Variants in SLC44A5 observed in about 807,000 individuals in gnomAD.
The protein encoded by SLC44A5 is solute carrier family 44 member 5.
A neutral mutation model predicts 101.8 loss-of-function variants in SLC44A5; 57 were observed. That is an observed-to-expected ratio of 0.56 (90% CI 0.45 to 0.70). SLC44A5 has a LOEUF of 0.70. SLC44A5 is among the 30% of genes least tolerant of loss of function. The pLI is 0.00. For synonymous variants in SLC44A5, 281 were observed against 290.9 expected, an observed-to-expected ratio of 0.97 and a Z score of 0.35; for missense variants, 737 against 853.1, an observed-to-expected ratio of 0.86 and a Z score of 1.70.
Position 75,556,096 on chromosome 1 carries a change from T to C in SLC44A5, c.-69-14580A>G, listed in dbSNP as rs559076720. 5.9e-5 allele frequency among the ~76,000 whole-genome samples: 9 copies of C among 152,098 alleles called. No homozygotes were observed. The East Asian group carries it at 1.5e-3, about 26-fold the overall frequency. On this transcript the variant is annotated intron_variant, in intron 1 of 23. Coordinates refer to ENST00000370859, the MANE Select transcript of SLC44A5 (RefSeq NM_001130058.2). Reference sequence around the variant, plus strand: ...ATGGAGAGTGATGGAAAGGAAGGATTACAAAGGAGAATGAAGAAGTCATCA... The same window carrying C: ...ATGGAGAGTGATGGAAAGGAAGGATCACAAAGGAGAATGAAGAAGTCATCA...
intron 5 of SLC44A5, among the ~76,000 whole-genome samples, chr1:75,282,891 T>C (rs1434124110): frequency 1.3e-5 from 2 of 152,220 alleles, no homozygotes; most frequent in East Asian, 3.8e-4. Context: ...CAGTCTTGGG[T>C]ATGTTTTTAT....
At chr1:75,567,770 G>A (rs1212204847) in intron 1 of SLC44A5, among the ~76,000 whole-genome samples, 2 of 152,128 alleles carry the variant, frequency 1.3e-5, no homozygotes, top group Non-Finnish European at 2.9e-5. Context: ...AGGCTAGGAA[G>A]GGGAACAAAG....
chr1:75,454,431 C>T (rs1308009668), intron 2 of SLC44A5, among the ~76,000 whole-genome samples: 3 of 152,082 alleles, frequency 2.0e-5, no homozygotes, highest in Admixed American at 6.6e-5. Context: ...TGAAAACCCA[C>T]AGCCAACATC....
chr1:75,405,759 G>A lies in SLC44A5; in HGVS notation c.14-9138C>T, dbSNP rs1570165325. Among the ~76,000 whole-genome samples, 3 of 151,856 alleles carry A rather than the reference G, an allele frequency of 2.0e-5. No homozygotes were observed. The South Asian group carries it at 6.2e-4, about 32-fold the overall frequency. On this transcript the variant is annotated intron_variant, in intron 2 of 23. Transcript: ENST00000370859. ...AGTGCCCACAGGAGAAAGAAGGAAAGATCTAAAATCAGCACCCTAACATCA... is the reference window on the plus strand; with the variant it reads ...AGTGCCCACAGGAGAAAGAAGGAAAAATCTAAAATCAGCACCCTAACATCA...
chr1:75,412,002 A>C (rs780804429), intron 2 of SLC44A5, among the ~76,000 whole-genome samples: 37 of 152,290 alleles, frequency 2.4e-4, no homozygotes, highest in Non-Finnish European at 4.9e-4. Flanking sequence ...ACTCCAAATG[A>C]GTTGAGAATG....
At chr1:75,409,631 ATTGT>A (rs1663145406) in intron 2 of SLC44A5, among the ~76,000 whole-genome samples, 2 of 152,054 alleles carry the variant, frequency 1.3e-5, no homozygotes, top group Non-Finnish European at 2.9e-5. Flanking sequence ...AATATATTTA[ATTGT>A]TTATTATTTA....
At chr1:75,619,680 A>C in the SLC44A5 span, among the ~76,000 whole-genome samples, 5 of 152,204 alleles carry the variant, frequency 3.3e-5, no homozygotes, top group African/African-American at 1.2e-4. Flanking sequence ...TTTAACCTCC[A>C]AACAGCAAGG....
At chr1:75,547,210 T>G (rs555523465) in intron 1 of SLC44A5, among the ~76,000 whole-genome samples, 2 of 152,232 alleles carry the variant, frequency 1.3e-5, no homozygotes, top group South Asian at 4.1e-4. Context: ...TCAACTTTAT[T>G]ATGTCCTAAT....
At chr1:75,666,348 G>T in the SLC44A5 span, among the ~76,000 whole-genome samples, 1 of 152,066 alleles carries the variant, frequency 6.6e-6, no homozygotes, top group Non-Finnish European at 1.5e-5. Flanking sequence ...TAAATTCCTG[G>T]ACACATACAC....
At chr1:75,705,696 G>C in the SLC44A5 span, among the ~76,000 whole-genome samples, 5 of 151,994 alleles carry the variant, frequency 3.3e-5, no homozygotes, top group Non-Finnish European at 7.4e-5. Flanking sequence ...TTGTTTGTTT[G>C]AGACAGAGTC....
At chr1:75,406,284 C>T (rs1318801162) in intron 2 of SLC44A5, among the ~76,000 whole-genome samples, 2 of 152,136 alleles carry the variant, frequency 1.3e-5, no homozygotes, top group Non-Finnish European at 2.9e-5. Flanking sequence ...ACCAGAGGTA[C>T]AAAGAAGAGC....
At chr1:75,422,353 T>C (rs968666380) in intron 2 of SLC44A5, among the ~76,000 whole-genome samples, 7 of 152,194 alleles carry the variant, frequency 4.6e-5, no homozygotes, top group Non-Finnish European at 1.0e-4. Context: ...CATAGCCTTA[T>C]CCAGTTTCCC....
At chr1:75,603,139 T>C (rs1405736018) in intron 1 of SLC44A5, among the ~76,000 whole-genome samples, 1 of 151,962 alleles carries the variant, frequency 6.6e-6, no homozygotes, top group Non-Finnish European at 1.5e-5. Context: ...CCAACCTCCC[T>C]CTCCACTCTA....
At chr1:75,459,047 G>A (rs1336596123) in intron 2 of SLC44A5, among the ~76,000 whole-genome samples, 1 of 152,108 alleles carries the variant, frequency 6.6e-6, no homozygotes, top group African/African-American at 2.4e-5. Flanking sequence ...CTCAGAGAGT[G>A]AAAAAAGATA....
At chr1:75,480,526 T>C (rs1028529695) in intron 2 of SLC44A5, among the ~76,000 whole-genome samples, 1 of 152,102 alleles carries the variant, frequency 6.6e-6, no homozygotes, top group Non-Finnish European at 1.5e-5. Flanking sequence ...CCCAAAATCT[T>C]CTTAAGCTGA....
At chr1:75,254,171 T>C (rs1649819384) in intron 6 of SLC44A5, among the ~76,000 whole-genome samples, 2 of 152,036 alleles carry the variant, frequency 1.3e-5, no homozygotes, top group Admixed American at 6.5e-5. Flanking sequence ...TCTGAGTAGA[T>C]GGGATTACAG....
At chr1:75,468,995 A>T (rs1222996747) in intron 2 of SLC44A5, among the ~76,000 whole-genome samples, 1 of 152,202 alleles carries the variant, frequency 6.6e-6, no homozygotes, top group Non-Finnish European at 1.5e-5. Context: ...TTAAAAATGT[A>T]TATATATTGC....
intron 1 of SLC44A5, among the ~76,000 whole-genome samples, chr1:75,555,660 A>G (rs1462937830): frequency 2.6e-5 from 4 of 152,000 alleles, no homozygotes; most frequent in Non-Finnish European, 4.4e-5. Flanking sequence ...CTTATTTATA[A>G]TAAGACACAA....
At chr1:75,404,133 G>A (rs1662690582) in intron 2 of SLC44A5, among the ~76,000 whole-genome samples, 1 of 152,004 alleles carries the variant, frequency 6.6e-6, no homozygotes, top group South Asian at 2.1e-4. Flanking sequence ...AATGAAGCAT[G>A]AAGACAAGAT....
Sources: allele counts gnomAD v4.1 joint callset (sites outside exome capture counted in the v4.1 genomes callset), GRCh38; gene constraint gnomAD v4.1.1; transcripts MANE v1.5; gene names NCBI Gene and HGNC (gene_info 2026-07-23, HGNC 2026-07-21).